The following ANKRD30B variants were observed in gnomAD, a reference collection of about 807,000 sequenced individuals.
ANKRD30B encodes ankyrin repeat domain 30B.
ANKRD30B carries 144 observed loss-of-function variants against 202.2 expected under a neutral mutation model. The ratio of observed to expected loss-of-function variants is 0.71; its 90% CI spans 0.62 to 0.82. The LOEUF (loss-of-function observed/expected upper bound fraction) is 0.82, where lower values mean the gene tolerates loss of function less well. Ranked by LOEUF, ANKRD30B falls within the 40% of genes least tolerant of loss-of-function variation. The probability of loss-of-function intolerance (pLI) is 0.00; values close to 1 mark genes in which losing one functional copy is unlikely to be tolerated. For missense variants in ANKRD30B, 1,487 were observed against 1,669.1 expected, an observed-to-expected ratio of 0.89 and a Z score of 1.90; for synonymous variants, 508 against 561.3, an observed-to-expected ratio of 0.91 and a Z score of 1.34.
Position 14,784,532 on chromosome 18 carries a change from G to C in ANKRD30B, c.1669G>C (p.Ala557Pro). 6.2e-7 allele frequency: 1 copy of C among 1,612,460 alleles called. No homozygotes were observed. The highest frequency in any genetic ancestry group is 2.2e-5 in the East Asian group (1 of 44,736). The change falls in exon 14 of 44, where the codon GCA becomes CCA. Residue 557 changes from alanine (A) to proline (P), a missense_variant. By Grantham distance (27) the Ala-to-Pro change is conservative. Coordinates refer to ENST00000690538, the MANE Select transcript of ANKRD30B (RefSeq NM_001367607.2). Reference sequence around the variant, plus strand: ...ATTGAAGAATGAACAAACATTGAGAGCAGGTAAATTTTTCAATTTAACTAT... The same window carrying C: ...ATTGAAGAATGAACAAACATTGAGACCAGGTAAATTTTTCAATTTAACTAT... ...FELKNEQTLRAAQMFPSESKQ... is the reference protein window; with the variant it reads ...FELKNEQTLRPAQMFPSESKQ...
At chr18:14,929,466 G>A in the ANKRD30B span, among the ~76,000 whole-genome samples, 1 of 152,028 alleles carries the variant, frequency 6.6e-6, no homozygotes, top group African/African-American at 2.4e-5. Flanking sequence ...TTGTGTCCCT[G>A]GCCTACACGA....
At chr18:14,809,117 G>A (rs1386551146) in intron 26 of ANKRD30B, among the ~76,000 whole-genome samples, 1 of 128,082 alleles carries the variant, frequency 7.8e-6, no homozygotes, top group African/African-American at 2.9e-5. Context: ...AGATATACCC[G>A]CATTTACTAT....
At chr18:14,940,393 T>C in the ANKRD30B span, among the ~76,000 whole-genome samples, 1 of 152,140 alleles carries the variant, frequency 6.6e-6, no homozygotes. Flanking sequence ...TAGAGGGGAC[T>C]TAAAACTGAG....
At chr18:14,821,241 G>A (rs1467109266) in intron 30 of ANKRD30B, among the ~76,000 whole-genome samples, 1 of 152,052 alleles carries the variant, frequency 6.6e-6, no homozygotes, top group East Asian at 1.9e-4. Flanking sequence ...GCATCTATTT[G>A]ATTCTTCTCC....
chr18:14,866,375 G>C, the ANKRD30B span, among the ~76,000 whole-genome samples: 1 of 152,134 alleles, frequency 6.6e-6, no homozygotes. Flanking sequence ...TGGTAGGAGG[G>C]GGGCTGGAGC....
rs916038169 is a variant in ANKRD30B at position 14,769,385 on chromosome 18, C to T, written c.1256+12C>T. ...GAGCCTATATTCAGGTAAGACTTTG[C>T]GGTTTTTTAAAACGAATAGGTTAAC... On this transcript the variant is annotated intron_variant, in intron 8 of 43. Coordinates refer to ENST00000690538, the MANE Select transcript of ANKRD30B (RefSeq NM_001367607.2). 62 of 1,542,062 alleles carry T rather than the reference C, an allele frequency of 4.0e-5. No homozygotes were observed. Among genetic ancestry groups the T allele is most frequent in the Admixed American group, 7.9e-5 (4 of 50,366 alleles).
chr18:14,902,351 G>A, the ANKRD30B span, among the ~76,000 whole-genome samples: 1 of 152,004 alleles, frequency 6.6e-6, no homozygotes, highest in Non-Finnish European at 1.5e-5. Context: ...CAAAAAAGAG[G>A]GATTTACCCA....
At chr18:14,819,955 G>T (rs1373277069) in intron 30 of ANKRD30B, among the ~76,000 whole-genome samples, 2 of 152,092 alleles carry the variant, frequency 1.3e-5, no homozygotes, top group South Asian at 4.1e-4. Context: ...ACCTTGGGCA[G>T]TATGGCCATT....
chr18:14,805,408 T>C lies in ANKRD30B; in HGVS notation c.2284+1584T>C, dbSNP rs1199973046. The stretch of plus-strand genomic sequence containing the variant: ...TAAATTTGCTGTTCCTGATGAGGTT[T>C]GTACATCTTCCTCCATCAGTGGATC... On this transcript the variant is annotated intron_variant, in intron 24 of 43. Transcript: ENST00000690538. 2.0e-5 allele frequency among the ~76,000 whole-genome samples: 3 copies of C among 151,048 alleles called. No individual in the cohort carries two copies. In the East Asian group the frequency reaches 5.8e-4, roughly 29 times the overall value.
At chr18:14,760,373 A>G (rs1309073707) in intron 5 of ANKRD30B, among the ~76,000 whole-genome samples, 181 bp from the exon 6 acceptor site, 3 of 152,114 alleles carry the variant, frequency 2.0e-5, no homozygotes, top group Non-Finnish European at 4.4e-5. Flanking sequence ...TACTTTATTT[A>G]TTATTTAATT....
downstream of ANKRD30B, among the ~76,000 whole-genome samples, chr18:14,855,235 A>G (rs1441702941): frequency 6.6e-6 from 1 of 152,216 alleles, no homozygotes; most frequent in African/African-American, 2.4e-5. Flanking sequence ...AAGGTTATAG[A>G]TTAACAGCAT....
At chr18:14,799,158 T>A in intron 21 of ANKRD30B, 29 bp downstream of exon 21, 1 of 1,589,980 alleles carries the variant, frequency 6.3e-7, no homozygotes, top group Non-Finnish European at 8.6e-7. Flanking sequence ...TTATCTTGAA[T>A]ATTACCTACA....
the ANKRD30B span, among the ~76,000 whole-genome samples, chr18:14,893,877 CAAAGATTT>C: frequency 6.7e-6 from 1 of 150,166 alleles, no homozygotes; most frequent in Admixed American, 6.7e-5. Context: ...AATTTATTCC[CAAAGATTT>C]AAAGCATATT....
intron 14 of ANKRD30B, among the ~76,000 whole-genome samples, chr18:14,784,812 G>T (rs546419548): frequency 1.4e-5 from 2 of 141,428 alleles, no homozygotes; most frequent in South Asian, 4.9e-4. Context: ...ATTTCTTAAA[G>T]ATTCAAGAAG....
At chr18:14,862,989 T>C in the ANKRD30B span, among the ~76,000 whole-genome samples, 2 of 152,252 alleles carry the variant, frequency 1.3e-5, no homozygotes, top group Non-Finnish European at 2.9e-5. Context: ...CCAACACCTG[T>C]ACTGCATTGA....
intron 1 of ANKRD30B, among the ~76,000 whole-genome samples, chr18:14,750,451 G>A (rs1913244313): frequency 6.6e-6 from 1 of 152,066 alleles, no homozygotes; most frequent in South Asian, 2.1e-4. Flanking sequence ...TATCCACAAA[G>A]TTTGTGAGGA....
rs369318132 is a variant in ANKRD30B at position 14,799,041 on chromosome 18, C to T, written c.2030-60C>T. The T allele has an allele frequency of 3.4e-4, 482 of 1,425,946 alleles. 4 individuals carry two copies. Among genetic ancestry groups the T allele is most frequent in the Non-Finnish European group, 4.3e-4 (437 of 1,012,294 alleles). The allele number at this position is 1,425,946 out of a possible 1,614,324, so 88.3% of individuals were successfully genotyped here. ...CGTCTTCATATTCACACTCTATGAA[C>T]GTTTGGTAGGCTTTGTCAAGCTTGC... is the stretch of plus-strand genomic sequence containing the variant. On this transcript the variant is annotated intron_variant, in intron 20 of 43. Transcript: ENST00000690538.
chr18:14,934,943 CACA>C, the ANKRD30B span, among the ~76,000 whole-genome samples: 6 of 151,204 alleles, frequency 4.0e-5, no homozygotes, highest in African/African-American at 1.5e-4. Flanking sequence ...CACACACACA[CACA>C]CACCCCATCG....
intron 39 of ANKRD30B, among the ~76,000 whole-genome samples, chr18:14,848,297 G>A (rs938114892): frequency 1.3e-5 from 2 of 151,998 alleles, no homozygotes; most frequent in African/African-American, 4.8e-5. Context: ...CTCTTGGCTG[G>A]AGGCAGACTA....
Sources: allele counts gnomAD v4.1 joint callset (sites outside exome capture counted in the v4.1 genomes callset), GRCh38; gene constraint gnomAD v4.1.1; transcripts MANE v1.5; gene names NCBI Gene and HGNC (gene_info 2026-07-23, HGNC 2026-07-21).